Variants in SIK3 observed in about 807,000 individuals in gnomAD.
SIK3 encodes serine/threonine-protein kinase SIK3.
In SIK3, 28 loss-of-function variants were observed where a neutral mutation model predicts 144.2. The ratio of observed to expected loss-of-function variants is 0.19; its 90% CI spans 0.14 to 0.27. The LOEUF is 0.27. Ranked by LOEUF, SIK3 falls within the 10% of genes least tolerant of loss-of-function variation. The pLI is 1.00. For missense variants in SIK3, 1,319 were observed against 1,776.0 expected, an observed-to-expected ratio of 0.74 and a Z score of 4.62; for synonymous variants, 686 against 676.3, an observed-to-expected ratio of 1.01 and a Z score of -0.22.
At chr11:117,080,098 A>C (rs548041866) in intron 1 of SIK3, among the ~76,000 whole-genome samples, 1 of 152,324 alleles carries the variant, frequency 6.6e-6, no homozygotes, top group South Asian at 2.1e-4. Flanking sequence ...AAAAAGCCAA[A>C]AGCCCAACAG....
chr11:116,962,378 T>C (rs538396704), intron 1 of SIK3, among the ~76,000 whole-genome samples: 10 of 152,300 alleles, frequency 6.6e-5, no homozygotes, highest in African/African-American at 2.4e-4. Context: ...CATACAGTAA[T>C]TTCAAAGAAT....
intron 1 of SIK3, among the ~76,000 whole-genome samples, chr11:117,092,166 A>G (rs1402127226): frequency 1.3e-5 from 2 of 152,046 alleles, no homozygotes; most frequent in Non-Finnish European, 2.9e-5. Flanking sequence ...ACCCAATTCC[A>G]TAAAATGGCC....
At chr11:116,993,025 A>C (rs1233472262) in intron 1 of SIK3, among the ~76,000 whole-genome samples, 2 of 152,062 alleles carry the variant, frequency 1.3e-5, no homozygotes, top group Non-Finnish European at 1.5e-5. Flanking sequence ...ACAACAACTA[A>C]ACAGATTTTT....
At chr11:117,083,596 A>G (rs1954881458) in intron 1 of SIK3, among the ~76,000 whole-genome samples, 1 of 152,230 alleles carries the variant, frequency 6.6e-6, no homozygotes, top group Admixed American at 6.5e-5. Flanking sequence ...AAGTACCAAA[A>G]AAATTCAACT....
At chr11:116,907,403 T>C (rs185450574) in intron 4 of SIK3, among the ~76,000 whole-genome samples, 9 of 152,304 alleles carry the variant, frequency 5.9e-5, no homozygotes, top group African/African-American at 1.4e-4. Flanking sequence ...TCCCAGAACT[T>C]TGGGAGGCCA....
At position 116,849,002 on chromosome 11, in the gene SIK3, A is replaced by C; in HGVS notation, c.3819+118T>G. 8.5e-7 allele frequency: 1 copy of C among 1,179,660 alleles called. No individual in the cohort carries two copies. The highest frequency in any genetic ancestry group is 1.6e-5 in the African/African-American group (1 of 63,788). The allele number at this position is 1,179,660 out of a possible 1,614,324, so 73.1% of individuals were successfully genotyped here. ...AAGAAATGCTCCCCACCGTTTCCAG[A>C]AAGGCTGAATGCTGACTGAGGAGAG... On this transcript the variant is annotated intron_variant, in intron 22 of 24. Transcript: ENST00000445177. This position sits in a 1 kb window ranked among gnomAD's most constrained non-coding sequence, Gnocchi z 4.2.
At chr11:116,912,146 T>C (rs1239360908) in intron 4 of SIK3, among the ~76,000 whole-genome samples, 1 of 152,232 alleles carries the variant, frequency 6.6e-6, no homozygotes, top group Non-Finnish European at 1.5e-5. Context: ...GCAACTTAAA[T>C]CCCTTTCTCT....
At chr11:117,084,953 A>G (rs1441811436) in intron 1 of SIK3, among the ~76,000 whole-genome samples, 1 of 152,176 alleles carries the variant, frequency 6.6e-6, no homozygotes, top group Non-Finnish European at 1.5e-5. Flanking sequence ...ACAAAGAAAA[A>G]GCCTTGGCCC....
chr11:117,051,691 G>C (rs1953251756), intron 1 of SIK3, among the ~76,000 whole-genome samples: 1 of 151,748 alleles, frequency 6.6e-6, no homozygotes, highest in South Asian at 2.1e-4. Flanking sequence ...ACCATGCCCG[G>C]CTAATTTTTG....
chr11:117,029,208 C>G (rs1423223474), intron 1 of SIK3, among the ~76,000 whole-genome samples: 1 of 152,120 alleles, frequency 6.6e-6, no homozygotes, highest in Admixed American at 6.5e-5. Flanking sequence ...TGTGCCCAGC[C>G]TATCCCAGCA....
intron 1 of SIK3, among the ~76,000 whole-genome samples, chr11:117,092,843 T>A (rs528755485): frequency 3.2e-4 from 48 of 152,246 alleles, no homozygotes; most frequent in African/African-American, 1.1e-3. Context: ...GCCTGAAAAA[T>A]GAAAACAGCA....
chr11:116,861,814 T>G (rs769916238), intron 18 of SIK3, 27 bp downstream of exon 18: 1 of 1,520,492 alleles, frequency 6.6e-7, no homozygotes, highest in East Asian at 2.3e-5. Context: ...AGACAATGGC[T>G]TAGGCACAAC....
chr11:116,925,634 A>G (rs190386947), intron 4 of SIK3, among the ~76,000 whole-genome samples: 13 of 152,354 alleles, frequency 8.5e-5, no homozygotes, highest in East Asian at 3.9e-4. Flanking sequence ...ATAAGACACT[A>G]ATCAATCTTT....
chr11:116,916,346 TAA>T (rs1055018838), intron 4 of SIK3, among the ~76,000 whole-genome samples: 7 of 152,176 alleles, frequency 4.6e-5, no homozygotes, highest in African/African-American at 1.7e-4. Flanking sequence ...CTTATGATTT[TAA>T]GAGAACTGAT....
In SIK3 at chr11:116,884,142, C is replaced by A. The variant is rs148085593; in HGVS notation, c.866-7100G>T. The stretch of plus-strand genomic sequence containing the variant: ...TTTTATTCTATACATTAAATTTTGA[C>A]ATATTACTGCTATAATAGAAATAAA... On this transcript the variant is annotated intron_variant, in intron 6 of 24. Transcript: ENST00000445177. 3.8e-4 allele frequency among the ~76,000 whole-genome samples: 58 copies of A among 152,172 alleles called. 1 individual carries two copies. The East Asian group carries it at 8.9e-3, about 23-fold the overall frequency.
In SIK3 at chr11:116,846,598, G is replaced by C; in HGVS notation, c.3953-45C>G. 1 of 1,610,246 alleles carries C rather than the reference G, an allele frequency of 6.2e-7. No individual in the cohort carries two copies. Among genetic ancestry groups the C allele is most frequent in the Non-Finnish European group, 8.5e-7 (1 of 1,177,384 alleles). On this transcript the variant is annotated intron_variant, in intron 23 of 24. Transcript: ENST00000445177. This position sits in a 1 kb window ranked among gnomAD's most constrained non-coding sequence, Gnocchi z 4.1. ...GTATGAGGTTGGCAGGGAACTGGGG[G>C]ACTAGGAGAGCAAGGGGGAGAGAGA...
intron 1 of SIK3, among the ~76,000 whole-genome samples, chr11:117,014,204 A>G (rs1951422471): frequency 6.6e-6 from 1 of 150,688 alleles, no homozygotes; most frequent in Non-Finnish European, 1.5e-5. Context: ...ACACAAACAG[A>G]ATGTTGATTA....
chr11:116,927,397 TAC>T lies in SIK3; in HGVS notation c.455-19_455-18del, dbSNP rs1307095497. ...CCAGGTGGTCTGTGTTGAAGAAGAA[TAC>T]AGTCAGTTTTCATTTTGGACACTTG... is the stretch of plus-strand genomic sequence containing the variant. On this transcript the variant is annotated intron_variant, in intron 3 of 24. Coordinates refer to ENST00000445177, the MANE Select transcript of SIK3 (RefSeq NM_001366686.3). The T allele has an allele frequency of 6.2e-7, 1 of 1,607,446 alleles. No homozygotes were observed. The highest frequency in any genetic ancestry group is 1.7e-5 in the Admixed American group (1 of 58,838).
intron 5 of SIK3, 92 bp downstream of exon 5, chr11:116,897,101 G>T: frequency 1.6e-6 from 2 of 1,241,366 alleles, no homozygotes; most frequent in Non-Finnish European, 2.2e-6. Context: ...CTCAATTCAT[G>T]TTGCATCATT....
Sources: gnomAD v4.1 joint callset for allele counts (sites outside exome capture counted in the v4.1 genomes callset) on GRCh38, gnomAD v4.1.1 for gene constraint, Gnocchi (gnomAD v3.1) non-coding constraint, MANE v1.5 for transcripts, NCBI Gene and HGNC (gene_info 2026-07-23, HGNC 2026-07-21) for gene names.